Variants in KANK4 observed in about 807,000 individuals in gnomAD.
KANK4 encodes the protein KN motif and ankyrin repeat domain-containing protein 4.
Under a neutral mutation model 80.8 loss-of-function variants are expected in KANK4, and 50 were observed. The ratio of observed to expected loss-of-function variants is 0.62; its 90% CI spans 0.49 to 0.78. The LOEUF (loss-of-function observed/expected upper bound fraction) is 0.78. Ranked by LOEUF, KANK4 falls within the 30% of genes least tolerant of loss-of-function variation. KANK4 has a pLI of 0.00. For synonymous variants in KANK4, 465 were observed against 506.9 expected, an observed-to-expected ratio of 0.92 and a Z score of 1.11; for missense variants, 1,196 against 1,240.1, an observed-to-expected ratio of 0.96 and a Z score of 0.53.
At chr1:62,290,239 G>A (rs1422286013) in intron 1 of KANK4, among the ~76,000 whole-genome samples, 1 of 152,096 alleles carries the variant, frequency 6.6e-6, no homozygotes, top group East Asian at 1.9e-4. Context: ...AACGTCCATT[G>A]ACTTGCACCT....
At chr1:62,319,022 G>A (rs2149178723) in intron 1 of KANK4, 84 bp downstream of exon 1, 1 of 152,668 alleles carries the variant, frequency 6.6e-6, no homozygotes, top group Non-Finnish European at 1.5e-5. Flanking sequence ...TCGAGCGCCG[G>A]GGCCAACACT....
rs1435471838 is a variant in KANK4 at position 62,263,330 on chromosome 1, C to T, written c.2320-19G>A. On this transcript the variant is annotated intron_variant, in intron 6 of 9. Transcript: ENST00000371153. ...TTTGCCTCTGAAACCCCAAAAAAGA[C>T]CAATTCCAAGAGGTTCCCCGGCCAG... is the stretch of plus-strand genomic sequence containing the variant. 4.4e-6 allele frequency: 7 copies of T among 1,605,820 alleles called. No homozygotes were observed. The South Asian group carries it at 7.8e-5, about 18-fold the overall frequency.
At chr1:62,277,519 G>A (rs1185043856) in intron 2 of KANK4, among the ~76,000 whole-genome samples, 3 of 152,204 alleles carry the variant, frequency 2.0e-5, no homozygotes, top group Non-Finnish European at 4.4e-5. Flanking sequence ...GGCAGATGCT[G>A]AGAGATCTTG....
intron 9 of KANK4, among the ~76,000 whole-genome samples, chr1:62,239,756 C>T (rs1389391061): frequency 6.6e-6 from 1 of 152,138 alleles, no homozygotes; most frequent in Non-Finnish European, 1.5e-5. Context: ...TGAGTGAGAA[C>T]ATGTGGTGTT....
At chr1:62,247,732 C>T in intron 8 of KANK4, 60 bp from the exon 9 acceptor site, 1 of 1,444,406 alleles carries the variant, frequency 6.9e-7, no homozygotes, top group South Asian at 1.2e-5. Context: ...GACCCCCTCT[C>T]CAGCCTGGGT....
At chr1:62,306,221 C>T (rs183711744) in intron 1 of KANK4, among the ~76,000 whole-genome samples, 7 of 152,234 alleles carry the variant, frequency 4.6e-5, no homozygotes, top group Admixed American at 1.3e-4. Flanking sequence ...AACTGCTGGC[C>T]TCAAGCGATC....
chr1:62,241,594 A>G (rs2149113213), intron 9 of KANK4, among the ~76,000 whole-genome samples: 1 of 152,350 alleles, frequency 6.6e-6, no homozygotes, highest in African/African-American at 2.4e-5. Context: ...GGCCCTCAAC[A>G]AACATTGTTG....
intron 1 of KANK4, among the ~76,000 whole-genome samples, chr1:62,295,144 CT>C (rs57158084): frequency 4.5e-4 from 67 of 147,504 alleles, no homozygotes; most frequent in Non-Finnish European, 4.8e-4. Flanking sequence ...CACATCTTTT[CT>C]TTTTTTTTTT....
At chr1:62,268,629 TA>T in intron 4 of KANK4, 124 bp from the exon 5 acceptor site, 2 of 734,412 alleles carry the variant, frequency 2.7e-6, no homozygotes, top group Non-Finnish European at 4.6e-6. Context: ...CCCCACTCTC[TA>T]CACCTGCCGG....
In KANK4 at chr1:62,274,597, C is replaced by T. The variant is rs760570052; in HGVS notation, c.507G>A (p.Leu169=). The change falls in exon 3 of 10, where the codon CTG becomes CTA. Residue 169 remains leucine, a synonymous_variant. Transcript: ENST00000371153. The stretch of plus-strand genomic sequence containing the variant: ...GCTCCTCAGAAGCCCTGCTGTGCAG[C>T]AGCGTGGCAGGCATGCTGGATGCTC... ...LLRASSMPAT[L]LHSRASEEPG... The T allele has an allele frequency of 1.2e-6, 2 of 1,614,044 alleles. No homozygotes were observed. Among genetic ancestry groups the T allele is most frequent in the South Asian group, 1.1e-5 (1 of 91,064 alleles).
intron 1 of KANK4, among the ~76,000 whole-genome samples, chr1:62,304,075 A>C (rs1165058071): frequency 6.6e-6 from 1 of 151,880 alleles, no homozygotes; most frequent in Non-Finnish European, 1.5e-5. Flanking sequence ...GGGTTTCCGC[A>C]TGTTGGCCAG....
At chr1:62,278,341 C>T (rs369839878) in intron 2 of KANK4, among the ~76,000 whole-genome samples, 495 of 17,076 alleles carry the variant, frequency 0.029, 28 homozygotes, top group African/African-American at 0.15. Flanking sequence ...TCCTTCCTTC[C>T]TTCCTTCCTT....
intron 6 of KANK4, among the ~76,000 whole-genome samples, chr1:62,264,487 T>TTTGATCCTTA (rs1182825024): frequency 3.9e-5 from 6 of 152,222 alleles, no homozygotes; most frequent in African/African-American, 1.4e-4. Flanking sequence ...ATACAACCTT[T>TTTGATCCTTA]TTGATCCTTA....
Position 62,273,362 on chromosome 1 carries a change from C to A in KANK4, c.1742G>T (p.Gly581Val). ...GATGGCGCTGGCCAGCTCCGGGTACCCATGCTCCAGGCAGTTCCACTGCTC... is the reference window on the plus strand; with the variant it reads ...GATGGCGCTGGCCAGCTCCGGGTACACATGCTCCAGGCAGTTCCACTGCTC... ...LQEQWNCLEH[G>V]YPELASAIKQ... The change falls in exon 3 of 10, where the codon GGG (glycine) becomes GTG (valine). Residue 581 changes from glycine to valine, a missense_variant. Coordinates refer to ENST00000371153, the MANE Select transcript of KANK4 (RefSeq NM_181712.5). 6.2e-7 allele frequency: 1 copy of A among 1,607,898 alleles called. No homozygotes were observed. Among genetic ancestry groups the A allele is most frequent in the South Asian group, 1.1e-5 (1 of 90,724 alleles).
intron 1 of KANK4, among the ~76,000 whole-genome samples, chr1:62,288,386 C>T (rs1672613732): frequency 6.6e-6 from 1 of 152,200 alleles, no homozygotes; most frequent in Non-Finnish European, 1.5e-5. Flanking sequence ...CACCTTTTAT[C>T]TAAGCAATCC....
At chr1:62,289,044 C>T (rs1672627715) in intron 1 of KANK4, among the ~76,000 whole-genome samples, 1 of 152,196 alleles carries the variant, frequency 6.6e-6, no homozygotes, top group African/African-American at 2.4e-5. Context: ...AAAAACTCTG[C>T]CAAGCTTGTC....
At position 62,247,572 on chromosome 1, in the gene KANK4, T is replaced by C. The variant is rs552968178; in HGVS notation, c.2783A>G (p.Asp928Gly). Residue 928 changes from aspartate (D) to glycine (G), a missense_variant, in exon 9 of 10, where the codon GAT (aspartate) becomes GGT (glycine). Asp to Gly is a moderately conservative substitution (Grantham distance 94, BLOSUM62 -1). Around this residue, in one of 3 missense-constraint regions of KANK4, gnomAD observed 1,154 missense variants for 1,179.6 expected, o/e 0.98. Coordinates refer to ENST00000371153, the MANE Select transcript of KANK4 (RefSeq NM_181712.5). The stretch of plus-strand genomic sequence containing the variant: ...GGCCACCATGAGGGCCGAGGATCCA[T>C]CGTGGTCCTGCAGATTGACATCTGC... ...CQADVNLQDH[D>G]GSSALMVACH... 1 of 1,614,068 alleles carries C rather than the reference T, an allele frequency of 6.2e-7. No individual in the cohort carries two copies. The highest frequency in any genetic ancestry group is 1.3e-5 in the African/African-American group (1 of 75,030).
chr1:62,314,850 G>C (rs1171838086), intron 1 of KANK4, among the ~76,000 whole-genome samples: 1 of 152,212 alleles, frequency 6.6e-6, no homozygotes, highest in Non-Finnish European at 1.5e-5. Context: ...GCCTGGGCGA[G>C]ACAGTGAAGT....
intron 1 of KANK4, among the ~76,000 whole-genome samples, chr1:62,285,671 A>T (rs563091709): frequency 6.6e-6 from 1 of 152,298 alleles, no homozygotes; most frequent in Non-Finnish European, 1.5e-5. Flanking sequence ...TTGCCACGAG[A>T]ATTCTTGGAG....
Sources: gnomAD v4.1 joint callset for allele counts (sites outside exome capture counted in the v4.1 genomes callset) on GRCh38, gnomAD v4.1.1 for gene constraint, gnomAD v4.1.1 regional missense constraint, MANE v1.5 for transcripts, NCBI Gene and HGNC (gene_info 2026-07-23, HGNC 2026-07-21) for gene names.